Variants in TECTA observed in about 807,000 individuals in gnomAD.
The protein encoded by TECTA is alpha-tectorin.
A neutral mutation model predicts 216.8 loss-of-function variants in TECTA; 128 were observed. That is an observed-to-expected ratio of 0.59 (90% CI 0.51 to 0.68). TECTA has a LOEUF of 0.68. TECTA is among the 30% of genes least tolerant of loss of function. The pLI is 0.00. For synonymous variants in TECTA, 1,089 were observed against 1,117.1 expected (o/e 0.97, Z 0.50); for missense variants, 2,551 against 2,786.2 (o/e 0.92, Z 1.90).
chr11:121,109,259 A>C lies in TECTA; in HGVS notation c.247A>C (p.Thr83Pro). ...CTTCAATGTGCTAGTGAGCCAGTTCACGCCAGAATCCTTTCCCCTGACAGA... is the reference window on the plus strand; with the variant it reads ...CTTCAATGTGCTAGTGAGCCAGTTCCCGCCAGAATCCTTTCCCCTGACAGA... ...VSFNVLVSQF[T>P]PESFPLTDGR... is the part of the protein sequence containing the mutation. The change falls in exon 4 of 24, where the codon ACG (threonine) becomes CCG (proline). Residue 83 changes from threonine to proline, a missense_variant. Transcript: ENST00000392793. 6.2e-7 allele frequency: 1 copy of C among 1,614,192 alleles called. No homozygotes were observed. The highest frequency in any genetic ancestry group is 8.5e-7 in the Non-Finnish European group (1 of 1,180,022).
At chr11:121,145,429 A>G (rs1946824871) in intron 11 of TECTA, 126 bp from the exon 12 acceptor site, 1 of 926,556 alleles carries the variant, frequency 1.1e-6, no homozygotes, top group East Asian at 2.4e-5. Flanking sequence ...CAGTACATGC[A>G]AAGACTGCAT....
Position 121,128,122 on chromosome 11 carries a change from C to T in TECTA, c.2145C>T (p.Leu715=), listed in dbSNP as rs770223075. The T allele has an allele frequency of 1.2e-6, 2 of 1,612,970 alleles. No individual in the cohort carries two copies. The highest frequency in any genetic ancestry group is 1.7e-6 in the Non-Finnish European group (2 of 1,180,004). ...CCAAGCGGGAGACCGTGTGCCTGCT[C>T]AGCCAGAACCAGGTGCTGCACACCT... ...CFPKRETVCL[L]SQNQVLHTFD... Residue 715 remains leucine (L), a synonymous_variant, in exon 9 of 24, where the codon CTC becomes CTT. Transcript: ENST00000392793.
At chr11:121,168,310 C>G (rs532871957) in intron 19 of TECTA, 93 bp downstream of exon 19, 2 of 1,518,304 alleles carry the variant, frequency 1.3e-6, no homozygotes, top group Admixed American at 3.3e-5. Context: ...GTCTTTGATG[C>G]CCTAGGAAAA....
At position 121,166,782 on chromosome 11, in the gene TECTA, T is replaced by G. The variant is rs750224829; in HGVS notation, c.5586+2T>G. 3.1e-6 allele frequency: 5 copies of G among 1,613,662 alleles called. No individual in the cohort carries two copies. ...GGGAATTGTGGAAACATTGTGCAGG[T>G]GAGAAAAGCAGCAGGAAAGAGCACC... On this transcript the variant is annotated splice_donor_variant, in intron 18 of 23. Coordinates refer to ENST00000392793, the MANE Select transcript of TECTA (RefSeq NM_005422.4). LOFTEE classifies it high-confidence loss of function.
chr11:121,167,914 A>G, intron 18 of TECTA, 140 bp from the exon 19 acceptor site: 2 of 947,320 alleles, frequency 2.1e-6, no homozygotes, highest in Admixed American at 3.8e-5. Context: ...TGCTAAGGCT[A>G]GCTCCATGCT....
chr11:121,131,007 G>A (rs1032546073), intron 10 of TECTA, among the ~76,000 whole-genome samples: 2 of 150,138 alleles, frequency 1.3e-5, no homozygotes, highest in Non-Finnish European at 2.9e-5. Context: ...GAGGTCAGGA[G>A]ATCGAGACCA....
chr11:121,163,162 T>C (rs912458781), intron 16 of TECTA, among the ~76,000 whole-genome samples: 12 of 152,130 alleles, frequency 7.9e-5, no homozygotes, highest in Admixed American at 6.5e-4. Context: ...GACTCCAAGA[T>C]GATACACACA....
rs1380123543 is a variant in TECTA, at chr11:121,158,019, T to G, written c.4484T>G (p.Phe1495Cys). The change falls in exon 14 of 24, where the codon TTC becomes TGC. Residue 1495 changes from phenylalanine to cysteine, a missense_variant. By Grantham distance (205) the Phe-to-Cys change is radical (BLOSUM62 -2). Transcript: ENST00000392793. ...SYCLAAGGGV[F>C]RTFDGAFLRF... ...TGCCTGGCGGCCGGCGGCGGCGTCT[T>G]CCGCACCTTCGACGGCGCCTTCCTG... is the stretch of plus-strand genomic sequence containing the variant. 6.2e-7 allele frequency: 1 copy of G among 1,613,016 alleles called. No homozygotes were observed. The highest frequency in any genetic ancestry group is 8.5e-7 in the Non-Finnish European group (1 of 1,179,954).
chr11:121,157,829 C>T lies in TECTA; in HGVS notation c.4306-12C>T, dbSNP rs1239751716. 1 of 1,613,406 alleles carries T rather than the reference C, an allele frequency of 6.2e-7. No individual in the cohort carries two copies. The highest frequency in any genetic ancestry group is 1.7e-5 in the Admixed American group (1 of 60,012). On this transcript the variant is annotated splice_polypyrimidine_tract_variant and intron_variant, in intron 13 of 23. Coordinates refer to ENST00000392793, the MANE Select transcript of TECTA (RefSeq NM_005422.4). ...CAGTCTGAATTTAATGCAAACGGCG[C>T]CTCTCTTCCAGCCCAAGCAGCTATT...
At position 121,162,115 on chromosome 11, in the gene TECTA, T is replaced by C. The variant is rs773379581; in HGVS notation, c.5017T>C (p.Tyr1673His). Residue 1673 changes from tyrosine to histidine, a missense_variant, in exon 16 of 24, where the codon TAT becomes CAT. Tyr to His is a moderately conservative substitution (Grantham distance 83). Around this residue, in one of 3 missense-constraint regions of TECTA, gnomAD observed 2,375 missense variants for 2,563.9 expected, o/e 0.93. Coordinates refer to ENST00000392793, the MANE Select transcript of TECTA (RefSeq NM_005422.4). Reference protein sequence around the residue: ...PSCNELQFSQYAAMCDNVHIQ... With the variant: ...PSCNELQFSQHAAMCDNVHIQ... ...CTGCAACGAGCTGCAGTTCTCACAG[T>C]ATGCAGCCATGTGTGACAATGTGCA... is the stretch of plus-strand genomic sequence containing the variant. 1.2e-5 allele frequency: 19 copies of C among 1,614,066 alleles called. No homozygotes were observed. The highest frequency in any genetic ancestry group is 1.6e-5 in the Non-Finnish European group (19 of 1,180,044).
At chr11:121,182,873 G>A (rs929090543) in intron 20 of TECTA, among the ~76,000 whole-genome samples, 2 of 152,162 alleles carry the variant, frequency 1.3e-5, no homozygotes, top group Non-Finnish European at 2.9e-5. Context: ...GGGTGGGGCA[G>A]GCCTGTCCTC....
intron 17 of TECTA, 41 bp downstream of exon 17, chr11:121,165,424 T>C: frequency 6.6e-7 from 1 of 1,504,214 alleles, no homozygotes. Context: ...AAAGGCCCCA[T>C]GGGAGATGCT....
At chr11:121,174,645 A>G (rs1037533462) in intron 20 of TECTA, among the ~76,000 whole-genome samples, 3 of 152,162 alleles carry the variant, frequency 2.0e-5, no homozygotes, top group African/African-American at 7.2e-5. Context: ...TATTGGTCTA[A>G]AATTCTCTTT....
intron 20 of TECTA, among the ~76,000 whole-genome samples, chr11:121,180,934 G>A (rs867852042): frequency 5.3e-5 from 8 of 151,332 alleles, no homozygotes; most frequent in African/African-American, 1.5e-4. Context: ...TTAGGAGGCC[G>A]AAGCGGGTGG....
chr11:121,109,767 T>A (rs1337793133), intron 4 of TECTA: 3 of 461,088 alleles, frequency 6.5e-6, no homozygotes, highest in Non-Finnish European at 1.2e-5. Flanking sequence ...ACTTTCCTGC[T>A]GTAAGTGACA....
At chr11:121,179,564 C>A (rs868681073) in intron 20 of TECTA, among the ~76,000 whole-genome samples, 1 of 152,068 alleles carries the variant, frequency 6.6e-6, no homozygotes, top group East Asian at 1.9e-4. Context: ...GTCTAAAGTG[C>A]AATTTAAGTA....
At chr11:121,125,923 G>A (rs1946607482) in intron 8 of TECTA, 51 bp downstream of exon 8, 1 of 1,587,084 alleles carries the variant, frequency 6.3e-7, no homozygotes, top group Non-Finnish European at 8.5e-7. Context: ...CAGGGGGCAG[G>A]GATAGGCTTT....
In TECTA at chr11:121,125,647, C is replaced by T; in HGVS notation, c.1549C>T (p.Leu517Phe). Residue 517 changes from leucine (L) to phenylalanine (F), a missense_variant, in exon 8 of 24, where the codon CTC (leucine) becomes TTC (phenylalanine). Around this residue, in one of 3 missense-constraint regions of TECTA, gnomAD observed 2,375 missense variants for 2,563.9 expected, o/e 0.93. Transcript: ENST00000392793. ...CCAGTGCGACGCTGCCACTGAAGCCCTCTACTTTGGCTCTGACTACTGCGG... is the reference window on the plus strand; with the variant it reads ...CCAGTGCGACGCTGCCACTGAAGCCTTCTACTTTGGCTCTGACTACTGCGG... ...CTQCDAATEA[L>F]YFGSDYCGFL... The T allele has an allele frequency of 6.2e-7, 1 of 1,611,694 alleles. No individual in the cohort carries two copies. The highest frequency in any genetic ancestry group is 1.1e-5 in the South Asian group (1 of 91,028).
At chr11:121,121,358 G>A (rs1946556785) in intron 7 of TECTA, among the ~76,000 whole-genome samples, 1 of 152,188 alleles carries the variant, frequency 6.6e-6, no homozygotes, top group African/African-American at 2.4e-5. Flanking sequence ...GAGAGGTACT[G>A]TGGAAGAGTG....
Sources: gnomAD v4.1 joint callset for allele counts (sites outside exome capture counted in the v4.1 genomes callset) on GRCh38, gnomAD v4.1.1 for gene constraint, gnomAD v4.1.1 regional missense constraint, MANE v1.5 for transcripts, NCBI Gene and HGNC (gene_info 2026-07-23, HGNC 2026-07-21) for gene names.